Variants in MAP3K7CL observed in about 807,000 individuals in gnomAD.
MAP3K7CL encodes MAP3K7 C-terminal like.
In MAP3K7CL, 16 loss-of-function variants were observed where a neutral mutation model predicts 18.6. The observed-to-expected ratio is 0.86, with a 90% CI of 0.58 to 1.31. MAP3K7CL has a LOEUF of 1.31. Among genes scored for constraint, MAP3K7CL ranks in the 50% most tolerant of loss-of-function variants. The pLI is 0.00. For synonymous variants in MAP3K7CL, 65 were observed against 66.8 expected (o/e 0.97, Z 0.13); for missense variants, 163 against 174.4 (o/e 0.93, Z 0.37).
chr21:29,147,709 G>A (rs1210293168), intron 2 of MAP3K7CL, among the ~76,000 whole-genome samples: 1 of 151,642 alleles, frequency 6.6e-6, no homozygotes, highest in African/African-American at 2.4e-5. Context: ...TACTGTATGT[G>A]TATTTGTATT....
At chr21:29,078,267 T>C (rs1323406040) in intron 1 of MAP3K7CL, among the ~76,000 whole-genome samples, 1 of 152,214 alleles carries the variant, frequency 6.6e-6, no homozygotes, top group Non-Finnish European at 1.5e-5. Context: ...ACTCATTTTG[T>C]GTTGGCTCAT....
upstream of MAP3K7CL, chr21:29,130,410 C>T (rs145125169): frequency 8.8e-5 from 16 of 181,066 alleles, no homozygotes; most frequent in East Asian, 1.9e-3. Context: ...CTGATTGGAG[C>T]GGCCGACATT....
intron 4 of MAP3K7CL, among the ~76,000 whole-genome samples, chr21:29,163,990 A>G (rs1018965633): frequency 1.3e-5 from 2 of 151,984 alleles, no homozygotes; most frequent in African/African-American, 4.8e-5. Context: ...AATATCAGCA[A>G]TAAAGGACTG....
In MAP3K7CL at chr21:29,174,715, G is replaced by A. The variant is rs1343902623; in HGVS notation, c.252G>A (p.Lys84=). ...GCCCTTTACCCCGAATCTTCAGGAA[G>A]GAGCTCATTGCCAAGTTAGATCAGG... is the stretch of plus-strand genomic sequence containing the variant. The part of the protein sequence containing the change: ...KEITLLEQRK[K]ELIAKLDQAE... The change falls in exon 5 of 5, where the codon AAG becomes AAA. Residue 84 remains lysine, a synonymous_variant. Transcript: ENST00000399928. 7.4e-6 allele frequency: 12 copies of A among 1,614,096 alleles called. No individual in the cohort carries two copies. Among genetic ancestry groups the A allele is most frequent in the Non-Finnish European group, 9.3e-6 (11 of 1,179,984 alleles).
chr21:29,164,564 A>C (rs1412022675), intron 4 of MAP3K7CL, among the ~76,000 whole-genome samples: 1 of 152,222 alleles, frequency 6.6e-6, no homozygotes, highest in African/African-American at 2.4e-5. Flanking sequence ...GTTTGGGAGA[A>C]TTTGTCTTAA....
rs796707690 is a variant in MAP3K7CL at position 29,103,427 on chromosome 21, C to CA, written c.370+10856dup. On this transcript the variant is annotated intron_variant, in intron 4 of 6. Transcript: ENST00000286791. ...GGAAACATGATAAGACCCATCTCTA[C>CA]AAAAAAAAAATTAAAAATTACAGTC... 6.2e-3 allele frequency among the ~76,000 whole-genome samples: 910 copies of CA among 147,132 alleles called. 9 individuals are homozygous for CA. Among genetic ancestry groups the CA allele is most frequent in the African/African-American group, 0.02 (810 of 40,054 alleles).
rs1316249914 is a variant in MAP3K7CL, at chr21:29,095,094, C to CAGAGG, written c.370+2519_370+2523dup. On this transcript the variant is annotated intron_variant, in intron 4 of 6. Coordinates refer to the MAP3K7CL transcript ENST00000286791. ...GAAAGGGAAGGGGAGGGGAAGGGAGCAGAGGAGAGGGGAGGGGAGGGGAAG... is the reference window on the plus strand; with the variant it reads ...GAAAGGGAAGGGGAGGGGAAGGGAGCAGAGGAGAGGAGAGGGGAGGGGAGGGGAAG... Among the ~76,000 whole-genome samples, 300 of 96,012 alleles carry CAGAGG rather than the reference C, an allele frequency of 3.1e-3. 1 individual carries two copies. Among genetic ancestry groups the CAGAGG allele is most frequent in the African/African-American group, 0.011 (267 of 23,324 alleles). 63.0% of individuals were successfully genotyped at this position (96,012 alleles called of 152,430 possible).
intron 4 of MAP3K7CL, among the ~76,000 whole-genome samples, chr21:29,118,507 T>C (rs1254873635): frequency 6.6e-6 from 1 of 151,896 alleles, no homozygotes. Flanking sequence ...GGGGTGACAG[T>C]GGGATGGTAA....
In MAP3K7CL at chr21:29,123,364, G is replaced by T. The variant is rs1021276633; in HGVS notation, c.371-25825G>T. ...CAGGCATGAGCCACTGTACCCGGCT[G>T]ATCTTTTAAATAAATGTTATTCGCT... On this transcript the variant is annotated intron_variant, in intron 4 of 6. Coordinates refer to the MAP3K7CL transcript ENST00000286791. Among the ~76,000 whole-genome samples, 15 of 152,118 alleles carry T rather than the reference G, an allele frequency of 9.9e-5. No homozygotes were observed. In the South Asian group the frequency reaches 2.1e-3, roughly 21 times the overall value.
At chr21:29,162,231 A>G (rs898297994) in intron 4 of MAP3K7CL, among the ~76,000 whole-genome samples, 1 of 151,876 alleles carries the variant, frequency 6.6e-6, no homozygotes, top group Non-Finnish European at 1.5e-5. Flanking sequence ...AAAAATCCTC[A>G]GTAATTATGT....
intron 4 of MAP3K7CL, among the ~76,000 whole-genome samples, chr21:29,100,958 C>T (rs963924835): frequency 4.0e-5 from 6 of 151,100 alleles, no homozygotes; most frequent in Admixed American, 1.3e-4. Flanking sequence ...GTGATCCGCC[C>T]GCCTCGGCCT....
Position 29,130,761 on chromosome 21 carries a change from G to T in MAP3K7CL, c.-202G>T. 2 of 985,554 alleles carry T rather than the reference G, an allele frequency of 2.0e-6. No individual in the cohort carries two copies. The highest frequency in any genetic ancestry group is 2.4e-6 in the Non-Finnish European group (2 of 830,014). The allele number at this position is 985,554 out of a possible 1,614,324, so 61.1% of individuals were successfully genotyped here. ...GGGGTCTGGGGCAGAGCAGGTAGCA[G>T]CGTGCTGCCCTGACAGCTGTCTCCG... On this transcript the variant is annotated 5_prime_UTR_variant, in exon 1 of 5. Coordinates refer to ENST00000399928, the MANE Select transcript of MAP3K7CL (RefSeq NM_001286620.2).
At chr21:29,152,209 G>C (rs778982785) in intron 3 of MAP3K7CL, among the ~76,000 whole-genome samples, 1 of 152,218 alleles carries the variant, frequency 6.6e-6, no homozygotes, top group Non-Finnish European at 1.5e-5. Flanking sequence ...CAGGGCGTGA[G>C]TGACTAAACA....
At chr21:29,085,858 T>C (rs371890593), upstream of MAP3K7CL, 218 of 1,614,032 alleles carry the variant, frequency 1.4e-4, no homozygotes, top group Non-Finnish European at 1.7e-4. Flanking sequence ...GCAAAGCGAC[T>C]AGATGGTTCA....
rs148557239 is a variant in MAP3K7CL at position 29,078,582 on chromosome 21, A to G, written c.-49+869A>G. Among the ~76,000 whole-genome samples, 188 of 152,326 alleles carry G rather than the reference A, an allele frequency of 1.2e-3. 1 individual carries two copies. Among genetic ancestry groups the G allele is most frequent in the African/African-American group, 4.1e-3 (169 of 41,572 alleles). The stretch of plus-strand genomic sequence containing the variant: ...TAAATGGGTTAACTCCATGCAATCA[A>G]GAAAGGTAGCCCCATGTCAATCCCT... On this transcript the variant is annotated intron_variant, in intron 1 of 7. Coordinates refer to the MAP3K7CL transcript ENST00000341618.
intron 3 of MAP3K7CL, among the ~76,000 whole-genome samples, chr21:29,154,800 A>G (rs927695819): frequency 6.6e-6 from 1 of 152,226 alleles, no homozygotes; most frequent in Admixed American, 6.5e-5. Flanking sequence ...ATTGAAAAGT[A>G]TTGTATACTG....
chr21:29,139,451 C>T (rs2086954922), intron 2 of MAP3K7CL: 1 of 152,226 alleles, frequency 6.6e-6, no homozygotes, highest in Admixed American at 6.5e-5. Flanking sequence ...TTCCCCTTGT[C>T]CTCCTCAGGA....
At position 29,174,811 on chromosome 21, in the gene MAP3K7CL, G is replaced by C. The variant is rs143395819; in HGVS notation, c.348G>C (p.Thr116=). Residue 116 remains threonine (T), a synonymous_variant, in exon 5 of 5, where the codon ACG becomes ACC. Transcript: ENST00000399928. ...EFEALTEENR[T]LRLAQSQCVE... ...AGGCTCTGACGGAGGAGAATCGGAC[G>C]TTGAGGTTGGCCCAGTCTCAATGTG... 6.2e-7 allele frequency: 1 copy of C among 1,614,022 alleles called. No homozygotes were observed. Among genetic ancestry groups the C allele is most frequent in the Non-Finnish European group, 8.5e-7 (1 of 1,180,024 alleles).
At chr21:29,088,520 G>A (rs2085965502) in intron 1 of MAP3K7CL, among the ~76,000 whole-genome samples, 1 of 152,100 alleles carries the variant, frequency 6.6e-6, no homozygotes, top group African/African-American at 2.4e-5. Context: ...ATTTAACCAC[G>A]CTAGTTTTGT....
Sources: gnomAD v4.1 joint callset for allele counts (sites outside exome capture counted in the v4.1 genomes callset) on GRCh38, gnomAD v4.1.1 for gene constraint, MANE v1.5 for transcripts, NCBI Gene and HGNC (gene_info 2026-07-23, HGNC 2026-07-21) for gene names.